Variants in PM20D2 observed in about 807,000 individuals in gnomAD.
PM20D2 encodes the protein peptidase M20 domain containing 2, also known as xaa-Arg dipeptidase.
A neutral mutation model predicts 42.9 loss-of-function variants in PM20D2; 33 were observed. That is an observed-to-expected ratio of 0.77 (90% confidence interval 0.58 to 1.03). The LOEUF (loss-of-function observed/expected upper bound fraction) is 1.03, where lower values mean the gene tolerates loss of function less well. PM20D2 is among the 50% of genes least tolerant of loss of function. The pLI, the probability that PM20D2 is intolerant of heterozygous loss-of-function variation, is 0.00. For synonymous variants in PM20D2, 250 were observed against 228.2 expected, an observed-to-expected ratio of 1.10 and a Z score of -0.86; for missense variants, 548 against 557.0, an observed-to-expected ratio of 0.98 and a Z score of 0.16.
At chr6:89,107,866 G>C in the PM20D2 span, among the ~76,000 whole-genome samples, 3 of 152,164 alleles carry the variant, frequency 2.0e-5, no homozygotes, top group Non-Finnish European at 2.9e-5. Context: ...TGGTTGTTAT[G>C]CTTAATTTCC....
chr6:89,147,634 G>A (rs1770638660), intron 1 of PM20D2, among the ~76,000 whole-genome samples: 1 of 151,804 alleles, frequency 6.6e-6, no homozygotes, highest in African/African-American at 2.4e-5. Flanking sequence ...TGAGTTAAGG[G>A]TCAAGAATGA....
chr6:89,126,666 T>A, the PM20D2 span, among the ~76,000 whole-genome samples: 9 of 50,742 alleles, frequency 1.8e-4, no homozygotes, highest in African/African-American at 5.5e-4. Flanking sequence ...CGAGACTCCA[T>A]CTAAAAAAAA....
the PM20D2 span, chr6:89,106,956 CT>C: frequency 4.8e-6 from 3 of 626,058 alleles, no homozygotes; most frequent in Middle Eastern, 7.6e-4. Context: ...TGGGTTTATG[CT>C]TGGATTCTAG....
At chr6:89,144,915 GA>G (rs1770471027), upstream of PM20D2, among the ~76,000 whole-genome samples, 2 of 152,232 alleles carry the variant, frequency 1.3e-5, no homozygotes, top group Non-Finnish European at 2.9e-5. Flanking sequence ...TTTCAGACGT[GA>G]ATGGAATGTG....
upstream of PM20D2, among the ~76,000 whole-genome samples, chr6:89,143,539 A>G (rs1432073140): frequency 1.3e-5 from 2 of 152,176 alleles, no homozygotes; most frequent in African/African-American, 4.8e-5. Flanking sequence ...CACCCCCCCA[A>G]AAAGGTTATA....
At chr6:89,106,301 C>T in the PM20D2 span, among the ~76,000 whole-genome samples, 1 of 151,928 alleles carries the variant, frequency 6.6e-6, no homozygotes, top group South Asian at 2.1e-4. Flanking sequence ...TTAGTAGACA[C>T]GGGGTTTCAC....
the PM20D2 span, among the ~76,000 whole-genome samples, chr6:89,123,507 G>A: frequency 6.8e-6 from 1 of 147,302 alleles, no homozygotes; most frequent in Non-Finnish European, 1.5e-5. Context: ...GATTGCATAA[G>A]GGCAGGAGTT....
At chr6:89,142,403 T>G (rs1264916448), upstream of PM20D2, among the ~76,000 whole-genome samples, 1 of 152,126 alleles carries the variant, frequency 6.6e-6, no homozygotes, top group Admixed American at 6.5e-5. Context: ...AAAGTGACAC[T>G]GTGATTTGCT....
the PM20D2 span, chr6:89,098,602 A>C: frequency 1.9e-6 from 3 of 1,611,882 alleles, no homozygotes; most frequent in Admixed American, 5.0e-5. Context: ...TATGACGATA[A>C]CTTCGAGATC....
chr6:89,125,944 G>A, the PM20D2 span, among the ~76,000 whole-genome samples: 2 of 151,992 alleles, frequency 1.3e-5, no homozygotes, highest in Non-Finnish European at 2.9e-5. Context: ...AAATTAGTTG[G>A]GCATTGGGGT....
intron 5 of PM20D2, among the ~76,000 whole-genome samples, chr6:89,161,198 A>T (rs926441701): frequency 6.6e-6 from 1 of 152,106 alleles, no homozygotes; most frequent in African/African-American, 2.4e-5. Context: ...AGATATGTTA[A>T]GTTTGATCTA....
At chr6:89,160,749 TG>T (rs1771205845) in intron 5 of PM20D2, among the ~76,000 whole-genome samples, 1 of 152,206 alleles carries the variant, frequency 6.6e-6, no homozygotes, top group Non-Finnish European at 1.5e-5. Context: ...TACATCTCTG[TG>T]AGAGCTTATG....
the PM20D2 span, among the ~76,000 whole-genome samples, chr6:89,102,141 T>TGGTTTTGTTTGTTTGTTTCTGA: frequency 3.3e-5 from 5 of 149,586 alleles, no homozygotes; most frequent in Non-Finnish European, 7.4e-5. Flanking sequence ...CTTCAATTTT[T>TGGTTTTGTTTGTTTGTTTCTGA]GGTTTTGTTT....
Position 89,165,443 on chromosome 6 carries a change from A to C in PM20D2, c.*3180A>C, listed in dbSNP as rs1349782454. ...ATAGTTGAGGATGGTGTATTTTGAT[A>C]TGTATGAAGTTAATATTTTCAAGTA... On this transcript the variant is annotated 3_prime_UTR_variant, in exon 7 of 7. Transcript: ENST00000275072. 3 of 152,148 alleles carry C rather than the reference A, an allele frequency of 2.0e-5. No individual in the cohort carries two copies. Among genetic ancestry groups the C allele is most frequent in the Non-Finnish European group, 4.4e-5 (3 of 68,016 alleles). The allele number at this position is 152,148 out of a possible 1,614,324, so 9.4% of individuals were successfully genotyped here.
chr6:89,149,178 A>T, intron 1 of PM20D2, 87 bp from the exon 2 acceptor site: 1 of 1,475,450 alleles, frequency 6.8e-7, no homozygotes, highest in Non-Finnish European at 9.2e-7. Flanking sequence ...TTTAATGTAG[A>T]TTGTGAATAC....
chr6:89,131,375 G>A, the PM20D2 span, among the ~76,000 whole-genome samples: 1 of 152,076 alleles, frequency 6.6e-6, no homozygotes, highest in East Asian at 1.9e-4. Flanking sequence ...GAACAGTAAT[G>A]GCAATAAAGT....
At chr6:89,113,415 G>A in the PM20D2 span, among the ~76,000 whole-genome samples, 1,379 of 152,040 alleles carry the variant, frequency 9.1e-3, 7 homozygotes, top group Non-Finnish European at 0.013. Context: ...CTCGTGATCC[G>A]CCCACTTTGG....
the PM20D2 span, among the ~76,000 whole-genome samples, chr6:89,118,527 C>G: frequency 2.6e-5 from 4 of 152,096 alleles, no homozygotes; most frequent in Non-Finnish European, 5.9e-5. Context: ...GCTGTGTTGC[C>G]CAGGTGGTCT....
chr6:89,131,384 G>A, the PM20D2 span, among the ~76,000 whole-genome samples: 1 of 152,020 alleles, frequency 6.6e-6, no homozygotes, highest in Non-Finnish European at 1.5e-5. Flanking sequence ...TGGCAATAAA[G>A]TTTTAAAAAT....
Sources: allele counts gnomAD v4.1 joint callset (sites outside exome capture counted in the v4.1 genomes callset), GRCh38; gene constraint gnomAD v4.1.1; transcripts MANE v1.5; gene names NCBI Gene and HGNC (gene_info 2026-07-23, HGNC 2026-07-21).